Variants in PHACTR2 observed in about 807,000 individuals in gnomAD.
PHACTR2 encodes phosphatase and actin regulator 2, also known as chromosome 6 open reading frame 56.
PHACTR2 carries 30 observed loss-of-function variants against 76.0 expected under a neutral mutation model. The observed-to-expected ratio is 0.39, with a 90% CI of 0.30 to 0.54. The LOEUF (loss-of-function observed/expected upper bound fraction) is 0.54. Among genes scored for constraint, PHACTR2 ranks in the 20% least tolerant of loss-of-function variants. The pLI, the probability that PHACTR2 is intolerant of heterozygous loss-of-function variation, is 0.61. For missense variants in PHACTR2, 696 were observed against 781.1 expected (o/e 0.89, Z 1.30); for synonymous variants, 292 against 292.5 (o/e 1.00, Z 0.02).
chr6:143,552,417 C>G (rs1229026521), intron 1 of PHACTR2, among the ~76,000 whole-genome samples: 1 of 152,060 alleles, frequency 6.6e-6, no homozygotes. Flanking sequence ...GTTTAAGGAG[C>G]AAAACCACAA....
At chr6:143,810,487 C>A in intron 12 of PHACTR2, 1 of 426,594 alleles carries the variant, frequency 2.3e-6, no homozygotes, top group Non-Finnish European at 4.7e-6. Flanking sequence ...AAAGGATGAA[C>A]AATAATACCC....
At position 143,816,803 on chromosome 6, in the gene PHACTR2, T is replaced by C. The variant is rs1162575949; in HGVS notation, c.1923-6871T>C. On this transcript the variant is annotated intron_variant, in intron 12 of 12. Transcript: ENST00000440869. This position sits in a 1 kb window ranked among gnomAD's most constrained non-coding sequence, Gnocchi z 4.5. ...TCTTCTGGCTGGGTGCGGTGGCTCA[T>C]GCCTGTAATCCCAGCACTTTGGGAG... Among the ~76,000 whole-genome samples the C allele has an allele frequency of 6.6e-6, 1 of 152,224 alleles. No individual in the cohort carries two copies. The highest frequency in any genetic ancestry group is 1.5e-5 in the Non-Finnish European group (1 of 68,034).
In PHACTR2 at chr6:143,590,923, A is replaced by G. The variant is rs991911658; in HGVS notation, c.217+53716A>G. Among the ~76,000 whole-genome samples, 17 of 152,240 alleles carry G rather than the reference A, an allele frequency of 1.1e-4. No individual in the cohort carries two copies. In the East Asian group the frequency reaches 3.1e-3, roughly 28 times the overall value. ...GCCAGCACATGCTGCGTGTCACTAGATGGACTGGCCGAGACCAAAAATGAA... is the reference window on the plus strand; with the variant it reads ...GCCAGCACATGCTGCGTGTCACTAGGTGGACTGGCCGAGACCAAAAATGAA... On this transcript the variant is annotated intron_variant, in intron 1 of 11. Coordinates refer to the PHACTR2 transcript ENST00000367584.
At position 143,581,749 on chromosome 6, in the gene PHACTR2, T is replaced by C. The variant is rs1394896672; in HGVS notation, c.217+44542T>C. 6.6e-6 allele frequency among the ~76,000 whole-genome samples: 1 copy of C among 152,090 alleles called. No homozygotes were observed. Among genetic ancestry groups the C allele is most frequent in the Non-Finnish European group, 1.5e-5 (1 of 68,016 alleles). On this transcript the variant is annotated intron_variant, in intron 1 of 11. Transcript: ENST00000367584. The surrounding 1 kb of genome is among the most constrained non-coding windows in gnomAD (Gnocchi z 4.5). Reference sequence around the variant, plus strand: ...AGGAGGGTGAGGCAGGAGGATCACCTGAGCCTGGGAAAGTCGAGGCTGCAG... The same window carrying C: ...AGGAGGGTGAGGCAGGAGGATCACCCGAGCCTGGGAAAGTCGAGGCTGCAG...
At position 143,541,503 on chromosome 6, in the gene PHACTR2, C is replaced by T. The variant is rs1781170241; in HGVS notation, c.217+4296C>T. Among the ~76,000 whole-genome samples the T allele has an allele frequency of 6.6e-6, 1 of 152,118 alleles. No homozygotes were observed. The highest frequency in any genetic ancestry group is 1.5e-5 in the Non-Finnish European group (1 of 67,992). On this transcript the variant is annotated intron_variant, in intron 1 of 11. Coordinates refer to the PHACTR2 transcript ENST00000367584. The surrounding 1 kb of genome is among the most constrained non-coding windows in gnomAD (Gnocchi z 5.3). ...GATCAGAGAACCATTCAAGCCACCT[C>T]CAAAAAAAGCAGTATAGGTGTGTGG... is the stretch of plus-strand genomic sequence containing the variant.
rs1328337726 is a variant in PHACTR2 at position 143,585,515 on chromosome 6, G to T, written c.217+48308G>T. On this transcript the variant is annotated intron_variant, in intron 1 of 11. Transcript: ENST00000367584. The surrounding 1 kb of genome is among the most constrained non-coding windows in gnomAD (Gnocchi z 5.2). ...GGAACTGGATTCAGAAACAAGAGCT[G>T]CCAGTGCCGCATACCAAGCAGGAGG... 1.3e-5 allele frequency among the ~76,000 whole-genome samples: 2 copies of T among 152,158 alleles called. No individual in the cohort carries two copies. The highest frequency in any genetic ancestry group is 2.4e-5 in the African/African-American group (1 of 41,436).
In PHACTR2 at chr6:143,561,268, C is replaced by A. The variant is rs987932338; in HGVS notation, c.217+24061C>A. On this transcript the variant is annotated intron_variant, in intron 1 of 11. Transcript: ENST00000367584. The surrounding 1 kb of genome is among the most constrained non-coding windows in gnomAD (Gnocchi z 4.1). ...TCACCCTGTGATGACAGTCTTAGCA[C>A]TCAAGATGTGGTGACCTGTCGGGAA... 6.6e-6 allele frequency: 1 copy of A among 152,354 alleles called. No homozygotes were observed. Among genetic ancestry groups the A allele is most frequent in the African/African-American group, 2.4e-5 (1 of 41,458 alleles). The allele number at this position is 152,354 out of a possible 1,614,324, so 9.4% of individuals were successfully genotyped here.
chr6:143,771,192 GTGTATATATATATATATATATATATATA>G lies in PHACTR2; in HGVS notation c.1233-1064_1233-1037del, dbSNP rs1775116458. ...TATATATGTATATATATATATATGT[GTGTATATATATATATATATATATATATA>G]TATATATATATATATGCTTTTTTTT... On this transcript the variant is annotated intron_variant, in intron 6 of 12. Coordinates refer to ENST00000440869, the MANE Select transcript of PHACTR2 (RefSeq NM_001100164.2). Among the ~76,000 whole-genome samples the G allele has an allele frequency of 1.2e-4, 2 of 16,630 alleles. 1 individual carries two copies. Among genetic ancestry groups the G allele is most frequent in the African/African-American group, 6.8e-4 (2 of 2,962 alleles). 10.9% of individuals were successfully genotyped at this position (16,630 alleles called of 152,430 possible).
At position 143,597,143 on chromosome 6, in the gene PHACTR2, A is replaced by T. The variant is rs1009108057; in HGVS notation, c.217+59936A>T. On this transcript the variant is annotated intron_variant, in intron 1 of 11. Coordinates refer to the PHACTR2 transcript ENST00000367584. The surrounding 1 kb of genome is among the most constrained non-coding windows in gnomAD (Gnocchi z 5.7). Reference sequence around the variant, plus strand: ...CTCACGCTCCACACTGTGGAAGAACACATTCTCTTGGGAAAACCCATTGTA... The same window carrying T: ...CTCACGCTCCACACTGTGGAAGAACTCATTCTCTTGGGAAAACCCATTGTA... Among the ~76,000 whole-genome samples the T allele has an allele frequency of 7.2e-5, 11 of 152,224 alleles. No homozygotes were observed. The highest frequency in any genetic ancestry group is 2.7e-4 in the African/African-American group (11 of 41,450).
At position 143,541,354 on chromosome 6, in the gene PHACTR2, G is replaced by A. The variant is rs868610340; in HGVS notation, c.217+4147G>A. Among the ~76,000 whole-genome samples, 1 of 152,216 alleles carries A rather than the reference G, an allele frequency of 6.6e-6. No individual in the cohort carries two copies. Among genetic ancestry groups the A allele is most frequent in the Non-Finnish European group, 1.5e-5 (1 of 68,046 alleles). On this transcript the variant is annotated intron_variant, in intron 1 of 11. Transcript: ENST00000367584. The surrounding 1 kb of genome is among the most constrained non-coding windows in gnomAD (Gnocchi z 5.3). ...ACCATGTAAAGATTCAGCAAGTACCGACTGTTGGCCTACTGGGTGCCAGGT... is the reference window on the plus strand; with the variant it reads ...ACCATGTAAAGATTCAGCAAGTACCAACTGTTGGCCTACTGGGTGCCAGGT...
In PHACTR2 at chr6:143,760,652, C is replaced by T. The variant is rs757577915; in HGVS notation, c.694+12C>T. On this transcript the variant is annotated intron_variant, in intron 5 of 12. Transcript: ENST00000440869. This position sits in a 1 kb window ranked among gnomAD's most constrained non-coding sequence, Gnocchi z 6.4. The stretch of plus-strand genomic sequence containing the variant: ...GACCCGAGAGGCTGGTGAGTATGCC[C>T]CCAGTGCCCTGTGGGGTCACTTCTA... 3 of 1,613,476 alleles carry T rather than the reference C, an allele frequency of 1.9e-6. No homozygotes were observed. The highest frequency in any genetic ancestry group is 2.5e-6 in the Non-Finnish European group (3 of 1,179,714).
chr6:143,738,431 C>T lies in PHACTR2; in HGVS notation c.215-10554C>T, dbSNP rs145255599. ...CAACCTAAAATATAAAGAATTTCAG[C>T]CACCTTTACCCCAGGGCAATAGAAT... On this transcript the variant is annotated intron_variant, in intron 2 of 12. Transcript: ENST00000440869. The surrounding 1 kb of genome is among the most constrained non-coding windows in gnomAD (Gnocchi z 4.0). 3.6e-3 allele frequency among the ~76,000 whole-genome samples: 550 copies of T among 151,976 alleles called. No homozygotes were observed. The highest frequency in any genetic ancestry group is 0.012 in the African/African-American group (497 of 41,450).
chr6:143,686,679 A>G (rs752379493), intron 1 of PHACTR2, among the ~76,000 whole-genome samples: 10 of 151,776 alleles, frequency 6.6e-5, no homozygotes, highest in Non-Finnish European at 1.0e-4. Flanking sequence ...TAGAGATGAG[A>G]TTTCATCATG....
intron 12 of PHACTR2, among the ~76,000 whole-genome samples, chr6:143,814,403 T>C (rs1269678614): frequency 1.3e-5 from 2 of 152,032 alleles, no homozygotes; most frequent in East Asian, 1.9e-4. Context: ...TTAGGTGGAA[T>C]TGGATAATCA....
intron 3 of PHACTR2, among the ~76,000 whole-genome samples, chr6:143,749,858 G>A (rs923583970): frequency 3.3e-5 from 5 of 152,058 alleles, no homozygotes; most frequent in African/African-American, 1.2e-4. Flanking sequence ...AGGACATTTT[G>A]TTGCAATTTT....
At position 143,580,235 on chromosome 6, in the gene PHACTR2, C is replaced by T. The variant is rs1005178693; in HGVS notation, c.217+43028C>T. ...GCGCAGTGGCTCACTCCTGTAATCC[C>T]AGCACTTTGGGAGGCCAAGGCAGGC... On this transcript the variant is annotated intron_variant, in intron 1 of 11. Coordinates refer to the PHACTR2 transcript ENST00000367584. This position sits in a 1 kb window ranked among gnomAD's most constrained non-coding sequence, Gnocchi z 4.2. Among the ~76,000 whole-genome samples, 7 of 152,188 alleles carry T rather than the reference C, an allele frequency of 4.6e-5. No homozygotes were observed. The highest frequency in any genetic ancestry group is 7.3e-5 in the Non-Finnish European group (5 of 68,044).
Position 143,801,792 on chromosome 6 carries a change from A to G in PHACTR2, c.1846-5265A>G, listed in dbSNP as rs1369906330. The stretch of plus-strand genomic sequence containing the variant: ...GGAGAAGAGGCATTCTGGTTTTTGG[A>G]ATTTTCAGCCTTTCTGCCTTGGTTT... On this transcript the variant is annotated intron_variant, in intron 11 of 12. Coordinates refer to ENST00000440869, the MANE Select transcript of PHACTR2 (RefSeq NM_001100164.2). The surrounding 1 kb of genome is among the most constrained non-coding windows in gnomAD (Gnocchi z 4.6). Among the ~76,000 whole-genome samples the G allele has an allele frequency of 1.3e-5, 2 of 151,974 alleles. No homozygotes were observed. The highest frequency in any genetic ancestry group is 2.9e-5 in the Non-Finnish European group (2 of 67,988).
At chr6:143,613,234 C>T (rs1411636758) in intron 1 of PHACTR2, among the ~76,000 whole-genome samples, 1 of 152,254 alleles carries the variant, frequency 6.6e-6, no homozygotes, top group Admixed American at 6.5e-5. Context: ...CTCGGCCTCC[C>T]GAAGTGCTGG....
chr6:143,649,047 C>A (rs1044104509), intron 1 of PHACTR2, among the ~76,000 whole-genome samples: 3 of 152,002 alleles, frequency 2.0e-5, no homozygotes, highest in African/African-American at 7.2e-5. Flanking sequence ...TGTGTGTCTG[C>A]ATACACTCAA....
Sources: allele counts gnomAD v4.1 joint callset (sites outside exome capture counted in the v4.1 genomes callset), GRCh38; gene constraint gnomAD v4.1.1; non-coding constraint Gnocchi (gnomAD v3.1); transcripts MANE v1.5; gene names NCBI Gene and HGNC (gene_info 2026-07-23, HGNC 2026-07-21).